COL25A1: variants seen among roughly 807,000 people sequenced by gnomAD.
COL25A1 encodes collagen alpha-1(XXV) chain.
In COL25A1, 103 loss-of-function variants were observed where a neutral mutation model predicts 128.4. The ratio of observed to expected loss-of-function variants is 0.80; its 90% CI spans 0.68 to 0.94. COL25A1 has a LOEUF of 0.94. Among genes scored for constraint, COL25A1 ranks in the 40% least tolerant of loss-of-function variants. The pLI, the probability that COL25A1 is intolerant of heterozygous loss-of-function variation, is 0.00. For missense variants in COL25A1, 745 were observed against 840.0 expected, an observed-to-expected ratio of 0.89 and a Z score of 1.40; for synonymous variants, 279 against 277.2, an observed-to-expected ratio of 1.01 and a Z score of -0.06.
intron 3 of COL25A1, among the ~76,000 whole-genome samples, chr4:109,096,011 C>A (rs981148045): frequency 6.6e-6 from 1 of 152,156 alleles, no homozygotes; most frequent in Non-Finnish European, 1.5e-5. Context: ...GGTTAGGAAA[C>A]TGAAGTGGAG....
intron 3 of COL25A1, among the ~76,000 whole-genome samples, chr4:109,229,123 A>G (rs1437557607): frequency 6.6e-6 from 1 of 152,018 alleles, no homozygotes; most frequent in Non-Finnish European, 1.5e-5. Context: ...AACATAACAT[A>G]GTTTTAAGTT....
At chr4:108,826,689 T>G (rs1336316381) in intron 33 of COL25A1, among the ~76,000 whole-genome samples, 1 of 152,198 alleles carries the variant, frequency 6.6e-6, no homozygotes. Flanking sequence ...GAATAATTTT[T>G]ACTAGCAAGA....
chr4:109,172,390 G>A (rs1773669673), intron 3 of COL25A1, among the ~76,000 whole-genome samples: 1 of 152,118 alleles, frequency 6.6e-6, no homozygotes, highest in Non-Finnish European at 1.5e-5. Flanking sequence ...GGGAGTGGGA[G>A]GCAGAAAAGG....
At chr4:109,051,620 T>C (rs3096486) in intron 3 of COL25A1, among the ~76,000 whole-genome samples, 65,347 of 148,798 alleles carry the variant, frequency 0.44, 15,879 homozygotes, top group African/African-American at 0.63. Flanking sequence ...CACACATACA[T>C]ACACACACAC....
At chr4:109,153,779 A>G (rs1020870121) in intron 3 of COL25A1, among the ~76,000 whole-genome samples, 4 of 152,232 alleles carry the variant, frequency 2.6e-5, no homozygotes, top group Admixed American at 2.6e-4. Context: ...TTACCAAAAA[A>G]TAAGATTTTT....
chr4:108,962,833 A>C (rs1413602231), intron 8 of COL25A1, among the ~76,000 whole-genome samples: 2 of 152,188 alleles, frequency 1.3e-5, no homozygotes, highest in African/African-American at 4.8e-5. Flanking sequence ...TTTTTCAAGC[A>C]AAGTTTAACT....
intron 5 of COL25A1, among the ~76,000 whole-genome samples, chr4:109,033,619 G>A (rs1759073533): frequency 6.6e-6 from 1 of 152,130 alleles, no homozygotes; most frequent in South Asian, 2.1e-4. Flanking sequence ...TTTGGTGTAG[G>A]AAATTTCCAG....
At chr4:109,004,081 C>T (rs982604944) in intron 6 of COL25A1, among the ~76,000 whole-genome samples, 2 of 151,980 alleles carry the variant, frequency 1.3e-5, no homozygotes, top group Admixed American at 1.3e-4. Context: ...CATTCTAATA[C>T]CCTTTCACCA....
At chr4:108,991,100 T>G (rs1579006519) in intron 6 of COL25A1, among the ~76,000 whole-genome samples, 1 of 152,322 alleles carries the variant, frequency 6.6e-6, no homozygotes, top group East Asian at 1.9e-4. Context: ...TGTATAAAGA[T>G]GCAGTAATGA....
rs74642999 is a variant in COL25A1, at chr4:109,061,158, T to A, written c.368-10979A>T. ...AGAGTCACTTTTGCCTAATCCTTGGTCTTTCATCACTCTTGTGCTCTCCTT... is the reference window on the plus strand; with the variant it reads ...AGAGTCACTTTTGCCTAATCCTTGGACTTTCATCACTCTTGTGCTCTCCTT... On this transcript the variant is annotated intron_variant, in intron 3 of 37. Coordinates refer to ENST00000399132, the MANE Select transcript of COL25A1 (RefSeq NM_198721.4). Among the ~76,000 whole-genome samples, 534 of 152,284 alleles carry A rather than the reference T, an allele frequency of 3.5e-3. 12 individuals are homozygous for A. The East Asian group carries it at 0.086, about 25-fold the overall frequency.
At chr4:109,208,203 T>G (rs1777162531) in intron 3 of COL25A1, among the ~76,000 whole-genome samples, 1 of 152,228 alleles carries the variant, frequency 6.6e-6, no homozygotes, top group East Asian at 1.9e-4. Context: ...TGCATCAGTC[T>G]GGGCAAAACT....
chr4:108,836,836 T>C (rs760199214), intron 31 of COL25A1, among the ~76,000 whole-genome samples: 1 of 152,200 alleles, frequency 6.6e-6, no homozygotes, highest in East Asian at 1.9e-4. Context: ...CCTAGCACTT[T>C]GTGAAGCCGA....
intron 3 of COL25A1, among the ~76,000 whole-genome samples, chr4:109,189,415 G>A (rs970137983): frequency 6.6e-6 from 1 of 151,778 alleles, no homozygotes; most frequent in Non-Finnish European, 1.5e-5. Context: ...AAGTGTGCTG[G>A]CATGCACCTG....
At chr4:108,817,597 A>G (rs1198469553) in intron 36 of COL25A1, among the ~76,000 whole-genome samples, 162 bp from the exon 37 acceptor site, 2 of 152,214 alleles carry the variant, frequency 1.3e-5, no homozygotes, top group African/African-American at 2.4e-5. Flanking sequence ...TCCCAGTGTT[A>G]GGTAAAATAA....
intron 8 of COL25A1, among the ~76,000 whole-genome samples, chr4:108,946,946 G>C (rs1017326159): frequency 2.6e-5 from 4 of 152,148 alleles, no homozygotes; most frequent in African/African-American, 9.7e-5. Context: ...TTGTAACTTG[G>C]CTGATAATAT....
chr4:109,168,230 G>A (rs1773255740), intron 3 of COL25A1, among the ~76,000 whole-genome samples: 1 of 152,128 alleles, frequency 6.6e-6, no homozygotes, highest in Non-Finnish European at 1.5e-5. Flanking sequence ...TTCCTCCACT[G>A]AAACCCTACA....
At chr4:108,905,851 G>A (rs1743421745) in intron 13 of COL25A1, among the ~76,000 whole-genome samples, 2 of 138,746 alleles carry the variant, frequency 1.4e-5, no homozygotes, top group African/African-American at 6.1e-5. Flanking sequence ...GCAGTATGTC[G>A]GGGGGGGGTG....
intron 6 of COL25A1, among the ~76,000 whole-genome samples, chr4:108,991,527 T>A (rs2126013521): frequency 6.6e-6 from 1 of 152,328 alleles, no homozygotes. Flanking sequence ...CTCTTTATAA[T>A]GCAACCACCA....
intron 3 of COL25A1, among the ~76,000 whole-genome samples, chr4:109,213,688 A>G (rs1040270355): frequency 6.6e-6 from 1 of 152,186 alleles, no homozygotes; most frequent in Non-Finnish European, 1.5e-5. Context: ...GTCAAATCCT[A>G]TCCAAATTGC....
Sources: allele counts gnomAD v4.1 joint callset (sites outside exome capture counted in the v4.1 genomes callset), GRCh38; gene constraint gnomAD v4.1.1; transcripts MANE v1.5; gene names NCBI Gene and HGNC (gene_info 2026-07-23, HGNC 2026-07-21).